PTPRE: variants seen among roughly 807,000 people sequenced by gnomAD.
PTPRE encodes protein tyrosine phosphatase receptor type E.
In PTPRE, 51 loss-of-function variants were observed where a neutral mutation model predicts 102.0. The ratio of observed to expected loss-of-function variants is 0.50; its 90% CI spans 0.40 to 0.63. The LOEUF (loss-of-function observed/expected upper bound fraction) is 0.63, where lower values mean the gene tolerates loss of function less well. PTPRE is among the 30% of genes least tolerant of loss of function. The pLI, the probability that PTPRE is intolerant of heterozygous loss-of-function variation, is 0.00. For synonymous variants in PTPRE, 345 were observed against 348.2 expected (o/e 0.99, Z 0.10); for missense variants, 752 against 915.1 (o/e 0.82, Z 2.30).
intron 1 of PTPRE, among the ~76,000 whole-genome samples, chr10:127,919,533 C>A (rs1846445507): frequency 6.6e-6 from 1 of 152,198 alleles, no homozygotes; most frequent in Non-Finnish European, 1.5e-5. Flanking sequence ...CCTTCCTGTG[C>A]CTGCAACACG....
rs1259705045 is a variant in PTPRE, at chr10:128,061,582, A to G, written c.589-97A>G. The G allele has an allele frequency of 2.3e-5, 33 of 1,433,672 alleles. No homozygotes were observed. The Middle Eastern group carries it at 6.7e-4, about 29-fold the overall frequency. The allele number at this position is 1,433,672 out of a possible 1,614,324, so 88.8% of individuals were successfully genotyped here. ...TTTTCCTGTGTTTTGCAAATTTTCCATGGTGAATATGTACTGCTTTCCTAA... is the reference window on the plus strand; with the variant it reads ...TTTTCCTGTGTTTTGCAAATTTTCCGTGGTGAATATGTACTGCTTTCCTAA... On this transcript the variant is annotated intron_variant, in intron 8 of 20. Coordinates refer to ENST00000254667, the MANE Select transcript of PTPRE (RefSeq NM_006504.6).
intron 10 of PTPRE, 43 bp from the exon 11 acceptor site, chr10:128,066,032 G>C: frequency 6.2e-7 from 1 of 1,614,066 alleles, no homozygotes; most frequent in Non-Finnish European, 8.5e-7. Flanking sequence ...ATGATGCATT[G>C]CACCCACAGA....
At chr10:127,931,958 T>A (rs920978939) in intron 1 of PTPRE, among the ~76,000 whole-genome samples, 1 of 152,250 alleles carries the variant, frequency 6.6e-6, no homozygotes, top group Non-Finnish European at 1.5e-5. Context: ...TGGACCCTTT[T>A]ATATGGTCAG....
chr10:128,070,260 G>C lies in PTPRE; in HGVS notation c.1144-41G>C. ...AAGCTCCACGTGGGCCAAGACTGCAGGGCAGAGTTGAGGGTGTGGGCACCC... is the reference window on the plus strand; with the variant it reads ...AAGCTCCACGTGGGCCAAGACTGCACGGCAGAGTTGAGGGTGTGGGCACCC... On this transcript the variant is annotated intron_variant, in intron 13 of 20. Transcript: ENST00000254667. This position sits in a 1 kb window ranked among gnomAD's most constrained non-coding sequence, Gnocchi z 4.8. The C allele has an allele frequency of 1.3e-6, 2 of 1,566,586 alleles. No individual in the cohort carries two copies. Among genetic ancestry groups the C allele is most frequent in the East Asian group, 4.5e-5 (2 of 44,398 alleles).
intron 1 of PTPRE, among the ~76,000 whole-genome samples, chr10:127,974,355 A>C (rs1047284583): frequency 1.3e-5 from 2 of 152,218 alleles, no homozygotes; most frequent in African/African-American, 2.4e-5. Flanking sequence ...GCCAGGATCC[A>C]ACTTATTTGC....
chr10:128,061,238 T>C (rs1849563722), intron 8 of PTPRE, among the ~76,000 whole-genome samples: 1 of 152,280 alleles, frequency 6.6e-6, no homozygotes, highest in Non-Finnish European at 1.5e-5. Context: ...ACTACAGCAT[T>C]ATGTATATTC....
rs1850640648 is a variant in PTPRE at position 128,070,148 on chromosome 10, T to A, written c.1144-153T>A. 1.1e-6 allele frequency: 1 copy of A among 900,906 alleles called. No individual in the cohort carries two copies. The highest frequency in any genetic ancestry group is 1.7e-5 in the African/African-American group (1 of 59,090). 55.8% of individuals were successfully genotyped at this position (900,906 alleles called of 1,614,324 possible). ...TACTCAAGGGCATAAATGGTCGTTATCCGTGGCCGGTACTCTGACTCTTGC... is the reference window on the plus strand; with the variant it reads ...TACTCAAGGGCATAAATGGTCGTTAACCGTGGCCGGTACTCTGACTCTTGC... On this transcript the variant is annotated intron_variant, in intron 13 of 20. Transcript: ENST00000254667. The surrounding 1 kb of genome is among the most constrained non-coding windows in gnomAD (Gnocchi z 4.8).
chr10:128,070,943 G>T lies in PTPRE; in HGVS notation c.1387+42G>T. Reference sequence around the variant, plus strand: ...GTGGCTTGGGCAGGGCTGGGGCGGGGCTGGTGCCGGAGGCTTTCATCCTGG... The same window carrying T: ...GTGGCTTGGGCAGGGCTGGGGCGGGTCTGGTGCCGGAGGCTTTCATCCTGG... On this transcript the variant is annotated intron_variant, in intron 15 of 20. Coordinates refer to ENST00000254667, the MANE Select transcript of PTPRE (RefSeq NM_006504.6). The surrounding 1 kb of genome is among the most constrained non-coding windows in gnomAD (Gnocchi z 4.8). The T allele has an allele frequency of 1.3e-6, 2 of 1,570,294 alleles. No homozygotes were observed. Among genetic ancestry groups the T allele is most frequent in the Middle Eastern group, 1.8e-4 (1 of 5,672 alleles).
Position 128,040,999 on chromosome 10 carries a change from C to T in PTPRE, c.109+9C>T, listed in dbSNP as rs762746774. ...GACAACCACGACCTCAGGTAAGGAC[C>T]CCTTTCCCTGGCTGCCTCCCCTACT... On this transcript the variant is annotated intron_variant, in intron 3 of 20. Transcript: ENST00000254667. The T allele has an allele frequency of 6.2e-7, 1 of 1,612,502 alleles. No individual in the cohort carries two copies. The highest frequency in any genetic ancestry group is 8.5e-7 in the Non-Finnish European group (1 of 1,178,802).
chr10:127,969,671 GAA>G (rs531783585), intron 1 of PTPRE, among the ~76,000 whole-genome samples: 11 of 74,362 alleles, frequency 1.5e-4, no homozygotes, highest in South Asian at 6.5e-4. Flanking sequence ...TGCCTAAAAA[GAA>G]AAAAAAAAAG....
In PTPRE at chr10:128,028,079, A is replaced by G. The variant is rs1846417880; in HGVS notation, c.-7-12796A>G. 6.6e-6 allele frequency among the ~76,000 whole-genome samples: 1 copy of G among 152,224 alleles called. No homozygotes were observed. The highest frequency in any genetic ancestry group is 6.5e-5 in the Admixed American group (1 of 15,290). ...TGGGGGCGTGGGAGTCTCCAGAGGC[A>G]GCGAGCCCAGGACACTGATGGTGCA... On this transcript the variant is annotated intron_variant, in intron 2 of 20. Coordinates refer to ENST00000254667, the MANE Select transcript of PTPRE (RefSeq NM_006504.6). This position sits in a 1 kb window ranked among gnomAD's most constrained non-coding sequence, Gnocchi z 4.5.
At chr10:127,972,299 C>T (rs906651591) in intron 1 of PTPRE, among the ~76,000 whole-genome samples, 2 of 152,168 alleles carry the variant, frequency 1.3e-5, no homozygotes, top group Non-Finnish European at 2.9e-5. Context: ...ACATTATTGC[C>T]CAGTGGCATA....
chr10:128,031,040 G>A (rs1182511740), intron 2 of PTPRE, among the ~76,000 whole-genome samples: 6 of 152,206 alleles, frequency 3.9e-5, no homozygotes, highest in Non-Finnish European at 8.8e-5. Context: ...AGGGGCCAAG[G>A]GCAGTGTTGG....
chr10:127,988,995 A>G (rs1308072456), intron 2 of PTPRE, among the ~76,000 whole-genome samples: 1 of 152,190 alleles, frequency 6.6e-6, no homozygotes, highest in African/African-American at 2.4e-5. Context: ...ATAAGCAAAA[A>G]AACGAAAACT....
chr10:128,054,731 G>A (rs549018703), intron 6 of PTPRE, among the ~76,000 whole-genome samples: 6 of 152,154 alleles, frequency 3.9e-5, no homozygotes, highest in African/African-American at 1.4e-4. Context: ...TGCAATTGGA[G>A]AAGCTTCCTG....
chr10:127,932,993 C>A (rs561111865), intron 1 of PTPRE, among the ~76,000 whole-genome samples: 12 of 152,164 alleles, frequency 7.9e-5, no homozygotes. Context: ...CTTTAAAGCC[C>A]GCCATGTGCT....
At chr10:128,006,348 G>A (rs1025635544) in intron 2 of PTPRE, among the ~76,000 whole-genome samples, 1 of 152,182 alleles carries the variant, frequency 6.6e-6, no homozygotes, top group African/African-American at 2.4e-5. Flanking sequence ...CACAGACAAG[G>A]TTCAACCTGA....
chr10:128,067,930 A>T (rs1010355018), intron 11 of PTPRE, among the ~76,000 whole-genome samples, 193 bp from the exon 12 acceptor site: 1 of 149,418 alleles, frequency 6.7e-6, no homozygotes, highest in Non-Finnish European at 1.5e-5. Context: ...CTGTGGCCCC[A>T]AAAGCAGCAC....
intron 2 of PTPRE, among the ~76,000 whole-genome samples, chr10:128,037,463 G>T (rs1847311958): frequency 6.6e-6 from 1 of 152,168 alleles, no homozygotes; most frequent in Non-Finnish European, 1.5e-5. Context: ...GGGGTATCAG[G>T]GTGGCTGTTC....
Sources: allele counts gnomAD v4.1 joint callset (sites outside exome capture counted in the v4.1 genomes callset), GRCh38; gene constraint gnomAD v4.1.1; non-coding constraint Gnocchi (gnomAD v3.1); transcripts MANE v1.5; gene names NCBI Gene and HGNC (gene_info 2026-07-23, HGNC 2026-07-21).